RNF17: variants seen among roughly 807,000 people sequenced by gnomAD.
RNF17 encodes the protein spermatogenesis associated 23.
A neutral mutation model predicts 200.5 loss-of-function variants in RNF17; 31 were observed. The observed-to-expected ratio is 0.15, with a 90% CI of 0.12 to 0.21. The LOEUF (loss-of-function observed/expected upper bound fraction) is 0.21, where lower values mean the gene tolerates loss of function less well. RNF17 is among the 10% of genes least tolerant of loss of function. The pLI, the probability that RNF17 is intolerant of heterozygous loss-of-function variation, is 1.00. For missense variants in RNF17, 1,628 were observed against 1,905.1 expected (o/e 0.85, Z 2.71); for synonymous variants, 606 against 637.8 (o/e 0.95, Z 0.75).
intron 15 of RNF17, among the ~76,000 whole-genome samples, chr13:24,815,254 G>A (rs1394983021): frequency 6.6e-6 from 1 of 151,878 alleles, no homozygotes; most frequent in East Asian, 1.9e-4. Flanking sequence ...AACAATTTTT[G>A]GCCCATTTGC....
intron 18 of RNF17, among the ~76,000 whole-genome samples, chr13:24,833,135 T>C (rs1889601909): frequency 6.6e-6 from 1 of 152,212 alleles, no homozygotes; most frequent in Admixed American, 6.5e-5. Flanking sequence ...TAGTGCAGGA[T>C]ACATGAGACC....
In RNF17 at chr13:24,840,529, A is replaced by ATGTG. The variant is rs568716214; in HGVS notation, c.2483-1501_2483-1498dup. On this transcript the variant is annotated intron_variant, in intron 18 of 35. Coordinates refer to ENST00000255324, the MANE Select transcript of RNF17 (RefSeq NM_031277.3). ...GAAACTGTGATTTATACATATATAT[A>ATGTG]TGTGTGTGTGTGTGAATATGAATGA... Among the ~76,000 whole-genome samples the ATGTG allele has an allele frequency of 1.6e-3, 221 of 140,190 alleles. 1 individual carries two copies. The highest frequency in any genetic ancestry group is 2.2e-3 in the Non-Finnish European group (139 of 63,772). The allele number at this position is 140,190 out of a possible 152,430, so 92.0% of individuals were successfully genotyped here.
In RNF17 at chr13:24,831,888, C is replaced by T. The variant is rs1889454982; in HGVS notation, c.2392C>T (p.Pro798Ser). ...TAAATGTAAGTTGGCCTATATTGAA[C>T]CATATAAAAGGACAATGCAGTGGTC... ...AIKCKLAYIEPYKRTMQWSKE... is the reference protein window; with the variant it reads ...AIKCKLAYIESYKRTMQWSKE... Residue 798 changes from proline (P) to serine (S), a missense_variant, in exon 18 of 36, where the codon CCA becomes TCA. Physicochemically the swap from Pro to Ser is moderately conservative, Grantham distance 74. This residue lies in a region of RNF17 where 227 missense variants were observed against 319.8 expected (regional missense o/e 0.71). Coordinates refer to ENST00000255324, the MANE Select transcript of RNF17 (RefSeq NM_031277.3). 6.2e-7 allele frequency: 1 copy of T among 1,606,602 alleles called. No individual in the cohort carries two copies.
chr13:24,817,922 TTTA>T (rs1566175294), intron 15 of RNF17, among the ~76,000 whole-genome samples: 1 of 152,088 alleles, frequency 6.6e-6, no homozygotes, highest in Non-Finnish European at 1.5e-5. Context: ...TGCTCTAATC[TTTA>T]TTATTTCTTC....
chr13:24,824,095 G>T, intron 15 of RNF17: 1 of 688,476 alleles, frequency 1.5e-6, no homozygotes, highest in Non-Finnish European at 2.7e-6. Context: ...AGAGGGTAGG[G>T]TGAGGCAAGT....
At chr13:24,827,507 T>C (rs1888814116) in intron 16 of RNF17, among the ~76,000 whole-genome samples, 1 of 151,702 alleles carries the variant, frequency 6.6e-6, no homozygotes, top group South Asian at 2.1e-4. Context: ...CTGGGTAGTT[T>C]ATAAACAATA....
the RNF17 span, among the ~76,000 whole-genome samples, chr13:24,887,989 TC>T: frequency 6.6e-6 from 1 of 152,218 alleles, no homozygotes; most frequent in East Asian, 1.9e-4. Context: ...AGAGGGCAGT[TC>T]CGGGCTGCCA....
In RNF17 at chr13:24,764,214, A is replaced by G. The variant is rs750390686; in HGVS notation, c.11A>G (p.Glu4Gly). Residue 4 changes from glutamate (E) to glycine (G), a missense_variant, in exon 1 of 36, where the codon GAG becomes GGG. By Grantham distance (98) the Glu-to-Gly change is moderately conservative. Around this residue, in one of 5 missense-constraint regions of RNF17, gnomAD observed 502 missense variants for 501.7 expected, o/e 1.00. Coordinates refer to ENST00000255324, the MANE Select transcript of RNF17 (RefSeq NM_031277.3). The part of the protein sequence containing the change: MAA[E>G]ASKTGPSRSS... ...AAGAAAGAGACAGCGATGGCGGCAG[A>G]GGCTTCGAAGACTGGGCCTTCTAGG... The G allele has an allele frequency of 6.3e-6, 10 of 1,593,844 alleles. No homozygotes were observed. In the South Asian group the frequency reaches 1.0e-4, roughly 16 times the overall value.
In RNF17 at chr13:24,850,348, G is replaced by A; in HGVS notation, c.3109G>A (p.Gly1037Ser). The change falls in exon 23 of 36, where the codon GGT (glycine) becomes AGT (serine). Residue 1037 changes from glycine (G) to serine (S), a missense_variant. Gly to Ser is a moderately conservative substitution (Grantham distance 56, BLOSUM62 0). This residue lies in a region of RNF17 where 227 missense variants were observed against 319.8 expected (regional missense o/e 0.71). Transcript: ENST00000255324. ...ECSLVDIRPAGGSDKWTATAC... is the reference protein window; with the variant it reads ...ECSLVDIRPASGSDKWTATAC... ...CACTGTTTTCTGTTGTAGACCAGCT[G>A]GTGGGAGTGACAAGTGGACAGCAAC... The A allele has an allele frequency of 6.2e-7, 1 of 1,611,138 alleles. No individual in the cohort carries two copies. Among genetic ancestry groups the A allele is most frequent in the Non-Finnish European group, 8.5e-7 (1 of 1,177,730 alleles).
intron 17 of RNF17, 96 bp from the exon 18 acceptor site, chr13:24,831,762 A>G (rs754963782): frequency 9.3e-7 from 1 of 1,070,144 alleles, no homozygotes; most frequent in Non-Finnish European, 1.4e-6. Flanking sequence ...AAATTCAAAC[A>G]TAAAGATTAG....
In RNF17 at chr13:24,835,028, T is replaced by C. The variant is rs189981535; in HGVS notation, c.2482+3050T>C. Among the ~76,000 whole-genome samples the C allele has an allele frequency of 1.6e-4, 24 of 152,246 alleles. No individual in the cohort carries two copies. In the East Asian group the frequency reaches 3.1e-3, roughly 20 times the overall value. ...CTGGCCCTTTGGTTTGCGTGGGCGC[T>C]GGGTGAGGCCTGTGACTGCCATCAT... is the stretch of plus-strand genomic sequence containing the variant. On this transcript the variant is annotated intron_variant, in intron 18 of 35. Transcript: ENST00000255324.
chr13:24,868,636 C>A lies in RNF17; in HGVS notation c.4198C>A (p.Pro1400Thr). 1 of 1,610,116 alleles carries A rather than the reference C, an allele frequency of 6.2e-7. No individual in the cohort carries two copies. The highest frequency in any genetic ancestry group is 1.7e-5 in the Admixed American group (1 of 60,004). Residue 1400 changes from proline to threonine, a missense_variant, in exon 31 of 36, where the codon CCA becomes ACA. By Grantham distance (38) the Pro-to-Thr change is conservative. Transcript: ENST00000255324. ...LSAETDTPLL[P>T]PYLSSSLPSP... is the part of the protein sequence containing the mutation. Reference sequence around the variant, plus strand: ...GGCTGAAACAGACACTCCTCTTTTACCACCATATTTGTCTTCATCTCTGCC... The same window carrying A: ...GGCTGAAACAGACACTCCTCTTTTAACACCATATTTGTCTTCATCTCTGCC...
chr13:24,877,949 CAA>C (rs954447985), intron 34 of RNF17, among the ~76,000 whole-genome samples: 5 of 152,154 alleles, frequency 3.3e-5, no homozygotes, highest in Admixed American at 2.6e-4. Context: ...AAATTTTACC[CAA>C]AAAGTCTGTA....
chr13:24,857,009 C>T (rs902268992), intron 25 of RNF17, among the ~76,000 whole-genome samples: 4 of 152,086 alleles, frequency 2.6e-5, no homozygotes, highest in Non-Finnish European at 5.9e-5. Flanking sequence ...AACCCCATGG[C>T]TTTGGAAATA....
intron 2 of RNF17, among the ~76,000 whole-genome samples, chr13:24,768,794 A>T (rs1186416028): frequency 2.0e-5 from 3 of 152,004 alleles, no homozygotes; most frequent in African/African-American, 7.3e-5. Context: ...TCAAATCTGA[A>T]TTATGTAACA....
chr13:24,759,868 C>T (rs755736986), upstream of RNF17, among the ~76,000 whole-genome samples: 7 of 152,160 alleles, frequency 4.6e-5, no homozygotes, highest in East Asian at 1.9e-4. Flanking sequence ...CAGCCAGGCA[C>T]GGTGGCTCAC....
chr13:24,792,318 A>C (rs1264477767), intron 9 of RNF17, among the ~76,000 whole-genome samples: 2 of 152,168 alleles, frequency 1.3e-5, no homozygotes, highest in African/African-American at 4.8e-5. Flanking sequence ...ATGGTAGTTA[A>C]ACCATGGGTT....
chr13:24,754,894 T>C, the RNF17 span, among the ~76,000 whole-genome samples: 1 of 150,178 alleles, frequency 6.7e-6, no homozygotes, highest in East Asian at 2.0e-4. Flanking sequence ...AGACCCTGTC[T>C]TAAAAAAAAA....
At chr13:24,829,350 TAAAAC>T (rs1179185892) in intron 16 of RNF17, among the ~76,000 whole-genome samples, 10 of 152,214 alleles carry the variant, frequency 6.6e-5, no homozygotes, top group Non-Finnish European at 1.5e-4. Context: ...ATAATTTAGA[TAAAAC>T]AATAACATTC....
Sources: allele counts gnomAD v4.1 joint callset (sites outside exome capture counted in the v4.1 genomes callset), GRCh38; gene constraint gnomAD v4.1.1; regional missense constraint gnomAD v4.1.1; transcripts MANE v1.5; gene names NCBI Gene and HGNC (gene_info 2026-07-23, HGNC 2026-07-21).